POLI: variants seen among roughly 807,000 people sequenced by gnomAD.
POLI encodes RAD30 homolog B.
POLI carries 58 observed loss-of-function variants against 51.6 expected under a neutral mutation model. The observed-to-expected ratio is 1.12, with a 90% CI of 0.91 to 1.40. POLI has a LOEUF of 1.40. Among genes scored for constraint, POLI ranks in the 40% most tolerant of loss-of-function variants. POLI has a pLI of 0.00. For missense variants in POLI, 921 were observed against 871.3 expected, an observed-to-expected ratio of 1.06 and a Z score of -0.72; for synonymous variants, 322 against 299.7, an observed-to-expected ratio of 1.07 and a Z score of -0.77.
chr18:54,274,181 T>C (rs1568118891), intron 3 of POLI, 91 bp downstream of exon 3: 2 of 595,606 alleles, frequency 3.4e-6, no homozygotes, highest in East Asian at 3.5e-5. Context: ...TAAAATAACA[T>C]AAGTCAAGAT....
chr18:54,294,321 A>G lies in POLI; in HGVS notation c.2077A>G (p.Arg693Gly). 6.2e-7 allele frequency: 1 copy of G among 1,613,038 alleles called. No homozygotes were observed. Reference protein sequence around the residue: ...TDSHEGLTENREPDSVDEKIT... With the variant: ...TDSHEGLTENGEPDSVDEKIT... ...CTCTCATGAAGGACTTACAGAAAATAGAGAGCCAGATTCTGTTGATGAGAA... is the reference window on the plus strand; with the variant it reads ...CTCTCATGAAGGACTTACAGAAAATGGAGAGCCAGATTCTGTTGATGAGAA... The change falls in exon 10 of 10, where the codon AGA becomes GGA. Residue 693 changes from arginine (R) to glycine (G), a missense_variant. Arg to Gly is a moderately radical substitution (Grantham distance 125). Coordinates refer to ENST00000579534, the MANE Select transcript of POLI (RefSeq NM_007195.3).
rs959216386 is a variant in POLI, at chr18:54,297,027, C to T, written c.*2560C>T. Reference sequence around the variant, plus strand: ...GTTTTCCTTCAGTATGATTTGAGTTCGTTGCTTCTCTGGGTGAGGTGGTAC... The same window carrying T: ...GTTTTCCTTCAGTATGATTTGAGTTTGTTGCTTCTCTGGGTGAGGTGGTAC... On this transcript the variant is annotated 3_prime_UTR_variant, in exon 10 of 10. Coordinates refer to ENST00000579534, the MANE Select transcript of POLI (RefSeq NM_007195.3). The T allele has an allele frequency of 9.1e-6, 9 of 985,176 alleles. No individual in the cohort carries two copies. The highest frequency in any genetic ancestry group is 1.1e-4 in the East Asian group (1 of 8,830). 61.0% of individuals were successfully genotyped at this position (985,176 alleles called of 1,614,324 possible).
chr18:54,310,239 T>C (rs1387532394), intron 3 of POLI, among the ~76,000 whole-genome samples: 1 of 152,206 alleles, frequency 6.6e-6, no homozygotes, highest in African/African-American at 2.4e-5. Context: ...CTGTTTTCTT[T>C]TATTTTTATG....
intron 3 of POLI, among the ~76,000 whole-genome samples, chr18:54,319,854 T>A (rs1178864472): frequency 2.0e-5 from 3 of 152,168 alleles, no homozygotes; most frequent in African/African-American, 4.8e-5. Flanking sequence ...AATATCCAAT[T>A]TTCCTATTTG....
At chr18:54,269,688 G>A in intron 1 of POLI, 27 bp downstream of exon 1, 1 of 1,488,934 alleles carries the variant, frequency 6.7e-7, no homozygotes, top group Non-Finnish European at 8.9e-7. Flanking sequence ...GGAGCCAGCG[G>A]CCTCCTTGGG....
At chr18:54,302,567 T>A (rs1192499657), downstream of POLI, among the ~76,000 whole-genome samples, 1 of 152,190 alleles carries the variant, frequency 6.6e-6, no homozygotes, top group African/African-American at 2.4e-5. Flanking sequence ...AATAATCACA[T>A]CATGGTAAAT....
intron 8 of POLI, chr18:54,291,579 G>A (rs1229977578): frequency 7.9e-6 from 2 of 252,162 alleles, no homozygotes; most frequent in African/African-American, 2.3e-5. Flanking sequence ...TTTTGACAAT[G>A]TTGTTCAGTT....
At position 54,295,348 on chromosome 18, in the gene POLI, G is replaced by A. The variant is rs2088269755; in HGVS notation, c.*881G>A. 2 of 984,774 alleles carry A rather than the reference G, an allele frequency of 2.0e-6. No homozygotes were observed. Among genetic ancestry groups the A allele is most frequent in the Admixed American group, 6.2e-5 (1 of 16,256 alleles). The allele number at this position is 984,774 out of a possible 1,614,324, so 61.0% of individuals were successfully genotyped here. On this transcript the variant is annotated 3_prime_UTR_variant, in exon 10 of 10. Transcript: ENST00000579534. ...ACAAATATAGACCATTACTAAATTG[G>A]TGGATGTCCTCTTTCTCCCATTGTT...
At chr18:54,278,910 C>A (rs1039602540) in intron 4 of POLI, among the ~76,000 whole-genome samples, 16 of 152,310 alleles carry the variant, frequency 1.1e-4, no homozygotes, top group African/African-American at 3.4e-4. Flanking sequence ...AGACATCGGT[C>A]TACAGAATAG....
At position 54,269,559 on chromosome 18, in the gene POLI, G is replaced by T; in HGVS notation, c.13G>T (p.Gly5Trp). 1 of 1,502,708 alleles carries T rather than the reference G, an allele frequency of 6.7e-7. No homozygotes were observed. The highest frequency in any genetic ancestry group is 8.8e-7 in the Non-Finnish European group (1 of 1,132,174). 93.1% of individuals were successfully genotyped at this position (1,502,708 alleles called of 1,614,324 possible). ...TGGCAGCGGCGGGATGGAGAAGCTG[G>T]GGGTGGAGCCGGAGGAGGAAGGCGG... is the stretch of plus-strand genomic sequence containing the variant. MEKL[G>W]VEPEEEGGGD... Residue 5 changes from glycine (G) to tryptophan (W), a missense_variant, in exon 1 of 10, where the codon GGG (glycine) becomes TGG (tryptophan). Transcript: ENST00000579534.
At chr18:54,288,691 G>A (rs1024202713) in intron 8 of POLI, among the ~76,000 whole-genome samples, 2 of 151,180 alleles carry the variant, frequency 1.3e-5, no homozygotes, top group South Asian at 4.2e-4. Context: ...TGAGCTGCCT[G>A]TAAGTTCTCT....
At chr18:54,288,832 T>G (rs184847267) in intron 8 of POLI, among the ~76,000 whole-genome samples, 2 of 152,262 alleles carry the variant, frequency 1.3e-5, no homozygotes, top group East Asian at 3.9e-4. Flanking sequence ...TTATCAAGAT[T>G]CTCCTTTTTT....
intron 7 of POLI, among the ~76,000 whole-genome samples, chr18:54,285,748 C>T (rs1034562532): frequency 2.0e-5 from 3 of 151,928 alleles, no homozygotes; most frequent in South Asian, 4.1e-4. Flanking sequence ...TAATATAACA[C>T]GTTTAACTGG....
chr18:54,298,225 T>C lies in POLI; in HGVS notation c.*3758T>C, dbSNP rs920783563. ...ACTGTCCAAGTCAAGAAATAAAACA[T>C]ATCAAGTAATCAAGAAGTCCAGAGT... On this transcript the variant is annotated 3_prime_UTR_variant, in exon 10 of 10. Coordinates refer to ENST00000579534, the MANE Select transcript of POLI (RefSeq NM_007195.3). 1.9e-5 allele frequency: 4 copies of C among 214,594 alleles called. No homozygotes were observed. The highest frequency in any genetic ancestry group is 2.4e-5 in the Non-Finnish European group (3 of 125,328). The allele number at this position is 214,594 out of a possible 1,614,324, so 13.3% of individuals were successfully genotyped here.
At chr18:54,319,145 G>A in intron 3 of POLI, among the ~76,000 whole-genome samples, 1 of 152,184 alleles carries the variant, frequency 6.6e-6, no homozygotes, top group East Asian at 1.9e-4. Flanking sequence ...GTGCTGTAAA[G>A]AGCCTTGGTC....
intron 3 of POLI, among the ~76,000 whole-genome samples, chr18:54,275,465 T>A (rs1163803948): frequency 6.6e-6 from 1 of 152,324 alleles, no homozygotes; most frequent in East Asian, 1.9e-4. Flanking sequence ...AACATCTGTA[T>A]AATGGATATT....
At chr18:54,290,751 T>C (rs1444455484) in intron 8 of POLI, among the ~76,000 whole-genome samples, 1 of 152,112 alleles carries the variant, frequency 6.6e-6, no homozygotes, top group Non-Finnish European at 1.5e-5. Flanking sequence ...ACACCACATG[T>C]TCTCACTCAT....
chr18:54,296,383 G>A lies in POLI; in HGVS notation c.*1916G>A. The A allele has an allele frequency of 1.0e-6, 1 of 984,448 alleles. No individual in the cohort carries two copies. The highest frequency in any genetic ancestry group is 4.7e-5 in the South Asian group (1 of 21,268). 61.0% of individuals were successfully genotyped at this position (984,448 alleles called of 1,614,324 possible). On this transcript the variant is annotated 3_prime_UTR_variant, in exon 10 of 10. Transcript: ENST00000579534. ...TTTAAGTTAGTCTCAACATCTTTGG[G>A]CCTCAGAATCAACTTTTTTATGGGA...
At position 54,269,582 on chromosome 18, in the gene POLI, C is replaced by G. The variant is rs747562226; in HGVS notation, c.36C>G (p.Gly12=). 9.9e-6 allele frequency: 14 copies of G among 1,415,580 alleles called. No homozygotes were observed. Among genetic ancestry groups the G allele is most frequent in the South Asian group, 3.9e-5 (3 of 77,442 alleles). 87.7% of individuals were successfully genotyped at this position (1,415,580 alleles called of 1,614,324 possible). The part of the protein sequence containing the change: ...EKLGVEPEEE[G]GGDDDEEDAE... ...TGGGGGTGGAGCCGGAGGAGGAAGG[C>G]GGCGGCGACGACGACGAGGAAGACG... The change falls in exon 1 of 10, where the codon GGC becomes GGG. Residue 12 remains glycine, a synonymous_variant. Transcript: ENST00000579534.
Sources: allele counts gnomAD v4.1 joint callset (sites outside exome capture counted in the v4.1 genomes callset), GRCh38; gene constraint gnomAD v4.1.1; transcripts MANE v1.5; gene names NCBI Gene and HGNC (gene_info 2026-07-23, HGNC 2026-07-21).